The following TRIM33 variants were observed in gnomAD, a reference collection of about 807,000 sequenced individuals.
The protein encoded by TRIM33 is E3 ubiquitin-protein ligase TRIM33.
Under a neutral mutation model 125.4 loss-of-function variants are expected in TRIM33, and 20 were observed. The ratio of observed to expected loss-of-function variants is 0.16; its 90% CI spans 0.11 to 0.23. TRIM33 has a LOEUF of 0.23. Ranked by LOEUF, TRIM33 falls within the 10% of genes least tolerant of loss-of-function variation. The pLI is 1.00. For synonymous variants in TRIM33, 564 were observed against 513.9 expected (o/e 1.10, Z -1.32); for missense variants, 920 against 1,411.4 (o/e 0.65, Z 5.58).
chr1:114,457,285 C>T (rs1268006038), intron 4 of TRIM33, among the ~76,000 whole-genome samples: 1 of 152,186 alleles, frequency 6.6e-6, no homozygotes. Flanking sequence ...GTCAGCCACA[C>T]ATACTAATGC....
At position 114,408,667 on chromosome 1, in the gene TRIM33, A is replaced by G. The variant is rs778877925; in HGVS notation, c.2258+10T>C. 1.3e-6 allele frequency: 2 copies of G among 1,569,322 alleles called. No homozygotes were observed. Among genetic ancestry groups the G allele is most frequent in the East Asian group, 2.3e-5 (1 of 43,876 alleles). On this transcript the variant is annotated intron_variant, in intron 13 of 19. Transcript: ENST00000358465. ...ACAAAAAGGAAAAAAATAATTATCA[A>G]TATACTCACCTGCCTCGACTGCCAG...
chr1:114,491,906 T>A (rs1652093036), intron 1 of TRIM33, among the ~76,000 whole-genome samples: 1 of 152,214 alleles, frequency 6.6e-6, no homozygotes. Context: ...TACACGTGTT[T>A]TCTCCATAAA....
At chr1:114,506,100 G>A (rs1425756066) in intron 1 of TRIM33, among the ~76,000 whole-genome samples, 1 of 152,052 alleles carries the variant, frequency 6.6e-6, no homozygotes, top group African/African-American at 2.4e-5. Context: ...CAGCAGAACC[G>A]AGGCCAGGTG....
At chr1:114,404,485 C>T (rs1652110213) in intron 15 of TRIM33, 1 of 152,102 alleles carries the variant, frequency 6.6e-6, no homozygotes, top group African/African-American at 2.4e-5. Flanking sequence ...AAAGCATTTG[C>T]TATTGAAAGA....
At chr1:114,498,000 C>T (rs999396860) in intron 1 of TRIM33, among the ~76,000 whole-genome samples, 9 of 151,630 alleles carry the variant, frequency 5.9e-5, no homozygotes, top group African/African-American at 1.2e-4. Flanking sequence ...CAGTGGTACA[C>T]GTCTATAATT....
At chr1:114,446,498 A>G (rs1219559643) in intron 4 of TRIM33, among the ~76,000 whole-genome samples, 2 of 152,218 alleles carry the variant, frequency 1.3e-5, no homozygotes, top group African/African-American at 4.8e-5. Context: ...AAACCATACA[A>G]TATTTTAAGT....
chr1:114,435,501 A>G (rs1648220442), intron 4 of TRIM33, among the ~76,000 whole-genome samples: 1 of 152,222 alleles, frequency 6.6e-6, no homozygotes, highest in African/African-American at 2.4e-5. Flanking sequence ...TTGTTTCTTC[A>G]ATGAAAGTCT....
At position 114,394,068 on chromosome 1, in the gene TRIM33, G is replaced by A. The variant is rs985093145; in HGVS notation, c.*3580C>T. 8.4e-5 allele frequency: 19 copies of A among 227,082 alleles called. No homozygotes were observed. Among genetic ancestry groups the A allele is most frequent in the Middle Eastern group, 1.3e-3 (1 of 768 alleles). 14.1% of individuals were successfully genotyped at this position (227,082 alleles called of 1,614,324 possible). A position where few individuals can be genotyped will look rare whatever the true frequency, so the allele number is the denominator to read the frequency against. On this transcript the variant is annotated 3_prime_UTR_variant, in exon 20 of 20. Transcript: ENST00000358465. ...AACTGTATTACACCTTGAAAATCTT[G>A]AGTCACCTTCAGCAGATCATTAACA...
In TRIM33 at chr1:114,396,141, T is replaced by C. The variant is rs1042623623; in HGVS notation, c.*1507A>G. The C allele has an allele frequency of 2.7e-4, 54 of 201,160 alleles. No individual in the cohort carries two copies. Among genetic ancestry groups the C allele is most frequent in the Non-Finnish European group, 6.2e-5 (6 of 97,488 alleles). 12.5% of individuals were successfully genotyped at this position (201,160 alleles called of 1,614,324 possible). Reference sequence around the variant, plus strand: ...GTCTCTGAATATTCTAATGTGTCCATACAAAAGTAGGACTAAAATCTTTAA... The same window carrying C: ...GTCTCTGAATATTCTAATGTGTCCACACAAAAGTAGGACTAAAATCTTTAA... On this transcript the variant is annotated 3_prime_UTR_variant, in exon 20 of 20. Transcript: ENST00000358465.
chr1:114,466,843 C>T (rs549625426), intron 1 of TRIM33, among the ~76,000 whole-genome samples: 4 of 152,348 alleles, frequency 2.6e-5, no homozygotes, highest in Non-Finnish European at 4.4e-5. Flanking sequence ...CCGATCTGCT[C>T]GCCTTGGCCT....
chr1:114,449,811 A>G lies in TRIM33; in HGVS notation c.923+13293T>C, dbSNP rs1649207105. ...CAAACTTGTCAGCATTATTTTTCAA[A>G]TGACCCAATATAACAAATTTAATAG... On this transcript the variant is annotated intron_variant, in intron 4 of 19. Transcript: ENST00000358465. 2.0e-5 allele frequency among the ~76,000 whole-genome samples: 3 copies of G among 152,184 alleles called. No homozygotes were observed. In the South Asian group the frequency reaches 6.2e-4, roughly 32 times the overall value.
chr1:114,407,319 C>T lies in TRIM33; in HGVS notation c.2259-219G>A, dbSNP rs188169981. 2.4e-3 allele frequency among the ~76,000 whole-genome samples: 362 copies of T among 152,124 alleles called. 6 individuals carry two copies. The South Asian group carries it at 0.027, about 11-fold the overall frequency. Reference sequence around the variant, plus strand: ...CAACTTTCAGAAGACCCTAAAAACACATTTTATGGTTTGAAGCACTTTCTT... The same window carrying T: ...CAACTTTCAGAAGACCCTAAAAACATATTTTATGGTTTGAAGCACTTTCTT... On this transcript the variant is annotated intron_variant, in intron 13 of 19. Transcript: ENST00000358465.
At chr1:114,486,073 G>A (rs1450218998) in intron 1 of TRIM33, among the ~76,000 whole-genome samples, 10 of 151,928 alleles carry the variant, frequency 6.6e-5, no homozygotes, top group Non-Finnish European at 7.4e-5. Flanking sequence ...TCAGAAGTTC[G>A]AGACCAGCCT....
chr1:114,506,176 G>A (rs1380907764), intron 1 of TRIM33, among the ~76,000 whole-genome samples: 1 of 151,948 alleles, frequency 6.6e-6, no homozygotes, highest in Admixed American at 6.6e-5. Flanking sequence ...GAGGTCAGGA[G>A]TTCGAGACCA....
chr1:114,444,089 T>G (rs901582386), intron 4 of TRIM33, among the ~76,000 whole-genome samples: 4 of 152,180 alleles, frequency 2.6e-5, no homozygotes, highest in African/African-American at 4.8e-5. Context: ...CTGTAGACAA[T>G]TTTATGATAA....
In TRIM33 at chr1:114,402,841, T is replaced by C. The variant is rs770333960; in HGVS notation, c.2811A>G (p.Pro937=). Residue 937 remains proline (P), a synonymous_variant, in exon 16 of 20, where the codon CCA becomes CCG. Transcript: ENST00000358465. ...AATTATCACAATCATATTCAACTTCTGGCTTTCCAATATCTCTACAAAATG... is the reference window on the plus strand; with the variant it reads ...AATTATCACAATCATATTCAACTTCCGGCTTTCCAATATCTCTACAAAATG... ...ICTFCRDIGK[P]EVEYDCDNLQ... 7 of 1,614,158 alleles carry C rather than the reference T, an allele frequency of 4.3e-6. No individual in the cohort carries two copies. Among genetic ancestry groups the C allele is most frequent in the Non-Finnish European group, 5.9e-6 (7 of 1,179,998 alleles).
In TRIM33 at chr1:114,393,254, CT is replaced by C; in HGVS notation, c.*4393del. On this transcript the variant is annotated 3_prime_UTR_variant, in exon 20 of 20. Transcript: ENST00000358465. ...TAACAGGCTTTCAAATTGCACAAAT[CT>C]TTTTTTATAGGCTTATGTATATGTT... is the stretch of plus-strand genomic sequence containing the variant. The C allele has an allele frequency of 1.4e-5, 3 of 207,206 alleles. No homozygotes were observed. The highest frequency in any genetic ancestry group is 7.3e-5 in the East Asian group (1 of 13,672). The allele number at this position is 207,206 out of a possible 1,614,324, so 12.8% of individuals were successfully genotyped here. A position where few individuals can be genotyped will look rare whatever the true frequency, so the allele number is the denominator to read the frequency against.
intron 1 of TRIM33, among the ~76,000 whole-genome samples, chr1:114,497,792 A>C (rs144297526): frequency 1.7e-3 from 252 of 152,210 alleles, no homozygotes; most frequent in African/African-American, 5.7e-3. Context: ...AGAATCTTCC[A>C]TCAGAACTGT....
At chr1:114,430,943 C>A in intron 5 of TRIM33, 31 bp from the exon 6 acceptor site, 1 of 1,217,430 alleles carries the variant, frequency 8.2e-7, no homozygotes, top group Non-Finnish European at 1.2e-6. Context: ...ATTAGGTTAT[C>A]AACTTATCCT....
Sources: gnomAD v4.1 joint callset for allele counts (sites outside exome capture counted in the v4.1 genomes callset) on GRCh38, gnomAD v4.1.1 for gene constraint, MANE v1.5 for transcripts, NCBI Gene and HGNC (gene_info 2026-07-23, HGNC 2026-07-21) for gene names.